The following ARHGAP25 variants were observed in gnomAD, a reference collection of about 807,000 sequenced individuals.
ARHGAP25 encodes the protein rho GTPase-activating protein 25.
A neutral mutation model predicts 71.0 loss-of-function variants in ARHGAP25; 34 were observed. The observed-to-expected ratio is 0.48, with a 90% CI of 0.36 to 0.64. ARHGAP25 has a LOEUF of 0.64. Ranked by LOEUF, ARHGAP25 falls within the 30% of genes least tolerant of loss-of-function variation. The probability of loss-of-function intolerance (pLI) is 0.00; values close to 1 mark genes in which losing one functional copy is unlikely to be tolerated. For synonymous variants in ARHGAP25, 282 were observed against 296.5 expected (o/e 0.95, Z 0.50); for missense variants, 706 against 805.1 (o/e 0.88, Z 1.49).
intron 4 of ARHGAP25, among the ~76,000 whole-genome samples, chr2:68,798,617 T>A (rs6710936): frequency 6.6e-6 from 1 of 152,080 alleles, no homozygotes; most frequent in Non-Finnish European, 1.5e-5. Flanking sequence ...TAGTTACAAC[T>A]GTGAAAAGAG....
intron 1 of ARHGAP25, among the ~76,000 whole-genome samples, chr2:68,761,475 A>G (rs1450992054): frequency 1.3e-5 from 2 of 152,114 alleles, no homozygotes; most frequent in Non-Finnish European, 2.9e-5. Flanking sequence ...ATATTTGCAA[A>G]TCATATATCT....
At chr2:68,755,854 C>T (rs990530172) in intron 1 of ARHGAP25, among the ~76,000 whole-genome samples, 4 of 152,178 alleles carry the variant, frequency 2.6e-5, no homozygotes, top group Non-Finnish European at 5.9e-5. Context: ...TACAATTTTA[C>T]GTTAAGATAT....
At chr2:68,762,726 C>G (rs752941153) in intron 1 of ARHGAP25, among the ~76,000 whole-genome samples, 1 of 152,122 alleles carries the variant, frequency 6.6e-6, no homozygotes, top group Non-Finnish European at 1.5e-5. Context: ...AAATGGTGTT[C>G]TTCTAGTTCT....
chr2:68,818,035 A>C, intron 8 of ARHGAP25, 41 bp downstream of exon 8: 2 of 1,609,512 alleles, frequency 1.2e-6, no homozygotes, highest in Non-Finnish European at 1.7e-6. Context: ...CCCAGGAAAT[A>C]ACAATTACAA....
At chr2:68,773,642 CT>C (rs1288779133) in intron 1 of ARHGAP25, among the ~76,000 whole-genome samples, 3 of 152,110 alleles carry the variant, frequency 2.0e-5, no homozygotes, top group African/African-American at 7.2e-5. Context: ...CGTATACCCC[CT>C]GAATATATTT....
intron 2 of ARHGAP25, among the ~76,000 whole-genome samples, chr2:68,717,086 G>A (rs116727882): frequency 0.025 from 3,816 of 152,170 alleles, 152 homozygotes; most frequent in African/African-American, 0.086. Flanking sequence ...AAACTAGGTG[G>A]TACACACCTA....
At chr2:68,787,334 A>C (rs1052259792) in intron 3 of ARHGAP25, among the ~76,000 whole-genome samples, 1 of 152,224 alleles carries the variant, frequency 6.6e-6, no homozygotes, top group African/African-American at 2.4e-5. Flanking sequence ...CCAGGAGAGC[A>C]GAAATATGAT....
chr2:68,800,200 G>C (rs1056026113), intron 4 of ARHGAP25, among the ~76,000 whole-genome samples: 1 of 151,848 alleles, frequency 6.6e-6, no homozygotes, highest in African/African-American at 2.4e-5. Context: ...GTGTATGGGG[G>C]TGGGGAGCTC....
intron 4 of ARHGAP25, among the ~76,000 whole-genome samples, chr2:68,802,238 C>G (rs1004785126): frequency 2.7e-5 from 2 of 74,490 alleles, no homozygotes; most frequent in African/African-American, 6.5e-5. Flanking sequence ...GAAACCCCGT[C>G]TCTACTAAAA....
At chr2:68,815,016 G>A (rs1253566718) in intron 6 of ARHGAP25, among the ~76,000 whole-genome samples, 1 of 152,228 alleles carries the variant, frequency 6.6e-6, no homozygotes, top group Non-Finnish European at 1.5e-5. Flanking sequence ...AAACGTTTCA[G>A]ATCGCATCTC....
intron 4 of ARHGAP25, among the ~76,000 whole-genome samples, chr2:68,797,356 G>A (rs536850502): frequency 1.5e-4 from 23 of 152,210 alleles, no homozygotes; most frequent in East Asian, 3.9e-4. Flanking sequence ...ACTTGCTTTC[G>A]TCTCACACCC....
chr2:68,744,166 G>A (rs762583607), intron 1 of ARHGAP25, among the ~76,000 whole-genome samples: 23 of 151,850 alleles, frequency 1.5e-4, no homozygotes, highest in South Asian at 4.1e-4. Flanking sequence ...TGTATTGCAA[G>A]GTACTTCTTT....
intron 1 of ARHGAP25, among the ~76,000 whole-genome samples, chr2:68,768,027 C>G (rs935607905): frequency 6.6e-6 from 1 of 152,200 alleles, no homozygotes; most frequent in African/African-American, 2.4e-5. Flanking sequence ...GTGGATGCCT[C>G]TCTTCACCAC....
At chr2:68,723,926 G>T (rs1674823910) in intron 2 of ARHGAP25, among the ~76,000 whole-genome samples, 1 of 151,950 alleles carries the variant, frequency 6.6e-6, no homozygotes, top group Admixed American at 6.5e-5. Flanking sequence ...CCTTGCTGGG[G>T]TGCAGTGGCA....
intron 5 of ARHGAP25, among the ~76,000 whole-genome samples, chr2:68,809,761 C>T (rs1202882759): frequency 6.6e-6 from 1 of 152,190 alleles, no homozygotes; most frequent in Non-Finnish European, 1.5e-5. Context: ...TCACCCAGAT[C>T]CTCTGCATTG....
intron 1 of ARHGAP25, among the ~76,000 whole-genome samples, chr2:68,753,480 A>C (rs1326610926): frequency 1.3e-5 from 2 of 152,200 alleles, no homozygotes; most frequent in Non-Finnish European, 2.9e-5. Flanking sequence ...CAAAATAAAT[A>C]ATGTGGGTGG....
intron 1 of ARHGAP25, among the ~76,000 whole-genome samples, chr2:68,746,498 C>T (rs1273310100): frequency 2.0e-5 from 3 of 152,168 alleles, no homozygotes; most frequent in Admixed American, 6.5e-5. Flanking sequence ...AAATTCCCTA[C>T]GCAGATGGCC....
Position 68,816,317 on chromosome 2 carries a change from C to T in ARHGAP25, c.836C>T (p.Ser279Phe), listed in dbSNP as rs1681229520. 1 of 1,613,806 alleles carries T rather than the reference C, an allele frequency of 6.2e-7. No individual in the cohort carries two copies. The highest frequency in any genetic ancestry group is 1.1e-5 in the South Asian group (1 of 91,088). Reference protein sequence around the residue: ...KAQQELMKQLSILPRDNYSLL... With the variant: ...KAQQELMKQLFILPRDNYSLL... ...CAGCAGGAGTTGATGAAGCAGCTCT[C>T]CATCCTTCCTCGTGACAACTATAGT... Residue 279 changes from serine (S) to phenylalanine (F), a missense_variant, in exon 7 of 11, where the codon TCC (serine) becomes TTC (phenylalanine). By Grantham distance (155) the Ser-to-Phe change is radical. Transcript: ENST00000409202.
At chr2:68,819,940 C>A (rs1251938099) in intron 9 of ARHGAP25, among the ~76,000 whole-genome samples, 2 of 152,150 alleles carry the variant, frequency 1.3e-5, no homozygotes, top group Non-Finnish European at 2.9e-5. Context: ...AATATTTTTA[C>A]AAAGAACATG....
Sources: allele counts gnomAD v4.1 joint callset (sites outside exome capture counted in the v4.1 genomes callset), GRCh38; gene constraint gnomAD v4.1.1; transcripts MANE v1.5; gene names NCBI Gene and HGNC (gene_info 2026-07-23, HGNC 2026-07-21).